Variants in HS3ST4 observed in about 807,000 individuals in gnomAD.
HS3ST4 encodes the protein heparan sulfate-glucosamine 3-sulfotransferase 4.
A neutral mutation model predicts 29.2 loss-of-function variants in HS3ST4; 17 were observed. That is an observed-to-expected ratio of 0.58 (90% CI 0.40 to 0.87). The LOEUF (loss-of-function observed/expected upper bound fraction) is 0.87, where lower values mean the gene tolerates loss of function less well. HS3ST4 is among the 40% of genes least tolerant of loss of function. The pLI is 0.00. For synonymous variants in HS3ST4, 314 were observed against 285.7 expected (o/e 1.10, Z -1.00); for missense variants, 627 against 634.5 (o/e 0.99, Z 0.13).
intron 1 of HS3ST4, among the ~76,000 whole-genome samples, chr16:25,973,630 A>T (rs1968916985): frequency 6.6e-6 from 1 of 152,146 alleles, no homozygotes; most frequent in African/African-American, 2.4e-5. Context: ...GTGTGGTTTA[A>T]CCTTTTGCAT....
chr16:25,938,594 A>C (rs79451939), intron 1 of HS3ST4, among the ~76,000 whole-genome samples: 1 of 143,874 alleles, frequency 7.0e-6, no homozygotes, highest in Non-Finnish European at 1.5e-5. Context: ...CTATGGTATT[A>C]AAAAAAAAAA....
At chr16:25,745,082 T>A (rs1171369975) in intron 1 of HS3ST4, among the ~76,000 whole-genome samples, 2 of 152,154 alleles carry the variant, frequency 1.3e-5, no homozygotes, top group African/African-American at 4.8e-5. Flanking sequence ...ACGATTCTCA[T>A]TGGCCAGGAC....
chr16:25,981,418 C>G (rs1475876214), intron 1 of HS3ST4, among the ~76,000 whole-genome samples: 1 of 151,958 alleles, frequency 6.6e-6, no homozygotes, highest in Non-Finnish European at 1.5e-5. Context: ...GAGTTATTTG[C>G]TCTCTTTAGG....
At chr16:25,725,174 A>G (rs1162198876) in intron 1 of HS3ST4, among the ~76,000 whole-genome samples, 1 of 151,886 alleles carries the variant, frequency 6.6e-6, no homozygotes, top group Non-Finnish European at 1.5e-5. Flanking sequence ...CTCTAAATGC[A>G]TGGGCATGCA....
At chr16:25,793,246 TATTAA>T (rs1966873944) in intron 1 of HS3ST4, among the ~76,000 whole-genome samples, 1 of 151,938 alleles carries the variant, frequency 6.6e-6, no homozygotes, top group Non-Finnish European at 1.5e-5. Flanking sequence ...AAATTTTGTT[TATTAA>T]ATTATTGTTA....
chr16:25,827,039 C>A (rs1051412542), intron 1 of HS3ST4, among the ~76,000 whole-genome samples: 3 of 152,064 alleles, frequency 2.0e-5, no homozygotes, highest in Non-Finnish European at 2.9e-5. Flanking sequence ...ATTATATGGA[C>A]TCAAAGATAG....
At chr16:25,842,138 C>T (rs1344315370) in intron 1 of HS3ST4, among the ~76,000 whole-genome samples, 2 of 152,198 alleles carry the variant, frequency 1.3e-5, no homozygotes, top group African/African-American at 4.8e-5. Flanking sequence ...TGCCCTTTTC[C>T]AGTGGGCAGA....
At chr16:25,838,999 G>C (rs58196380) in intron 1 of HS3ST4, among the ~76,000 whole-genome samples, 1,586 of 152,118 alleles carry the variant, frequency 0.01, 27 homozygotes, top group African/African-American at 0.036. Context: ...GCAGGTTTAG[G>C]GACCTCTTCA....
rs141365485 is a variant in HS3ST4, at chr16:25,868,152, C to T, written c.734+175001C>T. On this transcript the variant is annotated intron_variant, in intron 1 of 1. Transcript: ENST00000331351. Reference sequence around the variant, plus strand: ...TGTCTTGTTTCTTCTGCTGCATCTCCTTCTTCTGCCTGCCTCCCACCTGAA... The same window carrying T: ...TGTCTTGTTTCTTCTGCTGCATCTCTTTCTTCTGCCTGCCTCCCACCTGAA... 4.8e-4 allele frequency among the ~76,000 whole-genome samples: 73 copies of T among 152,218 alleles called. 1 individual carries two copies. In the East Asian group the frequency reaches 0.013, roughly 27 times the overall value.
At chr16:25,715,882 C>T (rs1243263008) in intron 1 of HS3ST4, among the ~76,000 whole-genome samples, 1 of 152,218 alleles carries the variant, frequency 6.6e-6, no homozygotes, top group African/African-American at 2.4e-5. Context: ...TGGCAGCTGT[C>T]AGCACCTTGT....
chr16:26,009,003 G>A (rs1969284563), intron 1 of HS3ST4, among the ~76,000 whole-genome samples: 1 of 152,180 alleles, frequency 6.6e-6, no homozygotes, highest in African/African-American at 2.4e-5. Context: ...GAAGTTCCAA[G>A]CTGGTCTCAT....
intron 1 of HS3ST4, among the ~76,000 whole-genome samples, chr16:25,700,222 T>G (rs574751291): frequency 8.5e-5 from 13 of 152,336 alleles, no homozygotes; most frequent in Admixed American, 8.5e-4. Flanking sequence ...ATGAGGTAAC[T>G]GCAGCCAGAA....
chr16:25,697,982 A>G lies in HS3ST4; in HGVS notation c.734+4831A>G, dbSNP rs138812493. On this transcript the variant is annotated intron_variant, in intron 1 of 1. Transcript: ENST00000331351. ...CACCGTGCCCGGCCCAGGAGTCCAC[A>G]TTTCTACAAGGTTGCTAGATGCTGC... Among the ~76,000 whole-genome samples, 34 of 152,142 alleles carry G rather than the reference A, an allele frequency of 2.2e-4. No individual in the cohort carries two copies. In the East Asian group the frequency reaches 6.0e-3, roughly 27 times the overall value.
At chr16:26,046,072 A>T (rs188002193) in intron 1 of HS3ST4, among the ~76,000 whole-genome samples, 6 of 148,966 alleles carry the variant, frequency 4.0e-5, no homozygotes, top group Admixed American at 4.0e-4. Context: ...CCTGTGTTTT[A>T]TGATTTCTAT....
intron 1 of HS3ST4, among the ~76,000 whole-genome samples, chr16:26,029,542 A>T (rs1969513420): frequency 1.3e-5 from 2 of 152,042 alleles, no homozygotes; most frequent in African/African-American, 4.8e-5. Flanking sequence ...CCTCCTGAGT[A>T]GCTGGGGTTA....
chr16:25,918,285 A>T (rs1257633853), intron 1 of HS3ST4, among the ~76,000 whole-genome samples: 2 of 152,192 alleles, frequency 1.3e-5, no homozygotes, highest in Non-Finnish European at 2.9e-5. Flanking sequence ...CATGTTGTGG[A>T]TGAGGACACT....
intron 1 of HS3ST4, among the ~76,000 whole-genome samples, chr16:25,736,727 A>G (rs1179008184): frequency 6.6e-6 from 1 of 152,182 alleles, no homozygotes; most frequent in Non-Finnish European, 1.5e-5. Context: ...TCCAGTTCCC[A>G]GTGTCCTCCT....
intron 1 of HS3ST4, among the ~76,000 whole-genome samples, chr16:25,815,482 C>G (rs1305120016): frequency 6.6e-6 from 1 of 152,146 alleles, no homozygotes; most frequent in Non-Finnish European, 1.5e-5. Context: ...TGCCACCATG[C>G]CCAGCTAATT....
At chr16:25,857,407 A>C (rs1967584263) in intron 1 of HS3ST4, among the ~76,000 whole-genome samples, 1 of 152,190 alleles carries the variant, frequency 6.6e-6, no homozygotes. Context: ...TGGGTTGTCT[A>C]AGGTCTTTAC....
Sources: allele counts gnomAD v4.1 joint callset (sites outside exome capture counted in the v4.1 genomes callset), GRCh38; gene constraint gnomAD v4.1.1; transcripts MANE v1.5; gene names NCBI Gene and HGNC (gene_info 2026-07-23, HGNC 2026-07-21).